MGRN1: variants seen among roughly 807,000 people sequenced by gnomAD.
MGRN1 encodes the protein mahogunin ring finger 1.
Under a neutral mutation model 69.2 loss-of-function variants are expected in MGRN1, and 29 were observed. The observed-to-expected ratio is 0.42, with a 90% CI of 0.31 to 0.57. The LOEUF is 0.57. Among genes scored for constraint, MGRN1 ranks in the 20% least tolerant of loss-of-function variants. The pLI, the probability that MGRN1 is intolerant of heterozygous loss-of-function variation, is 0.15. For synonymous variants in MGRN1, 470 were observed against 344.2 expected (o/e 1.37, Z -4.04); for missense variants, 998 against 796.2 (o/e 1.25, Z -3.05).
chr16:4,686,114 C>T lies in MGRN1; in HGVS notation c.1618+2182C>T, dbSNP rs192395695. On this transcript the variant is annotated intron_variant, in intron 16 of 16. Coordinates refer to ENST00000262370, the MANE Select transcript of MGRN1 (RefSeq NM_015246.4). ...GCTCTGCCTCCCAGCTGTGGTTCTC[C>T]TTGTGGTTCTCTGTGGTTGCAGCAG... 4.3e-4 allele frequency: 431 copies of T among 998,988 alleles called. 3 individuals carry two copies. The African/African-American group carries it at 6.3e-3, about 15-fold the overall frequency. 61.9% of individuals were successfully genotyped at this position (998,988 alleles called of 1,614,324 possible). A position where few individuals can be genotyped will look rare whatever the true frequency, so the allele number is the denominator to read the frequency against.
At chr16:4,671,365 C>T in intron 8 of MGRN1, 26 bp from the exon 9 acceptor site, 3 of 1,612,598 alleles carry the variant, frequency 1.9e-6, no homozygotes, top group Non-Finnish European at 2.5e-6. Flanking sequence ...TGGCGAGGGC[C>T]CAGTGAGCCC....
At chr16:4,668,457 G>T (rs2078856089) in intron 8 of MGRN1, 145 bp downstream of exon 8, 4 of 817,384 alleles carry the variant, frequency 4.9e-6, no homozygotes, top group Non-Finnish European at 7.7e-6. Flanking sequence ...ACATTCACTT[G>T]CACATATATA....
At chr16:4,631,316 T>TA (rs1413658384) in intron 1 of MGRN1, among the ~76,000 whole-genome samples, 1 of 152,206 alleles carries the variant, frequency 6.6e-6, no homozygotes, top group East Asian at 1.9e-4. Context: ...CCATGTCTCT[T>TA]AAAAATCAAA....
In MGRN1 at chr16:4,673,614, C is replaced by T. The variant is rs1014793242; in HGVS notation, c.912C>T (p.Asp304=). The T allele has an allele frequency of 6.2e-7, 1 of 1,613,664 alleles. No homozygotes were observed. The highest frequency in any genetic ancestry group is 8.5e-7 in the Non-Finnish European group (1 of 1,179,898). ...TGTGCCTCTGTACCTCCTGCGCCGA[C>T]ACGCTGCGCTACCAGGCCAACAACT... ...RHLCLCTSCA[D]TLRYQANNCP... Residue 304 remains aspartate (D), a synonymous_variant, in exon 10 of 17, where the codon GAC becomes GAT. Coordinates refer to ENST00000262370, the MANE Select transcript of MGRN1 (RefSeq NM_015246.4).
chr16:4,657,252 C>T lies in MGRN1; in HGVS notation c.450C>T (p.Ser150=), dbSNP rs780079523. The T allele has an allele frequency of 6.2e-7, 1 of 1,613,834 alleles. No homozygotes were observed. Among genetic ancestry groups the T allele is most frequent in the South Asian group, 1.1e-5 (1 of 91,062 alleles). The change falls in exon 5 of 17, where the codon AGC becomes AGT. Residue 150 remains serine (S), a synonymous_variant. Coordinates refer to ENST00000262370, the MANE Select transcript of MGRN1 (RefSeq NM_015246.4). ...EEFLNGRAVY[S]PKSPSLQSET... ...TGCTCCTGGCTCCCTGCAGATACAG[C>T]CCCAAGAGCCCCTCGCTACAGTCCG...
At chr16:4,666,164 G>C (rs1044507916) in intron 7 of MGRN1, among the ~76,000 whole-genome samples, 95 of 151,910 alleles carry the variant, frequency 6.3e-4, no homozygotes, top group African/African-American at 2.2e-3. Flanking sequence ...GTCTCGCTCT[G>C]TTGCCCAGGC....
At chr16:4,641,728 A>G (rs2078164098) in intron 1 of MGRN1, among the ~76,000 whole-genome samples, 1 of 151,984 alleles carries the variant, frequency 6.6e-6, no homozygotes, top group South Asian at 2.1e-4. Context: ...CATGTTGGTC[A>G]GGCTGGTCTC....
At position 4,657,368 on chromosome 16, in the gene MGRN1, TGCTG is replaced by T; in HGVS notation, c.561+11_561+14del. 6.2e-7 allele frequency: 1 copy of T among 1,613,364 alleles called. No individual in the cohort carries two copies. Among genetic ancestry groups the T allele is most frequent in the South Asian group, 1.1e-5 (1 of 91,066 alleles). ...TCGGAATGGAAGGATGACGAGGTAATGCTGGCTGGGCGGCTCCTTGCCCTTCGCT... is the reference window on the plus strand; with the variant it reads ...TCGGAATGGAAGGATGACGAGGTAATGCTGGGCGGCTCCTTGCCCTTCGCT... On this transcript the variant is annotated splice_donor_region_variant and intron_variant, in intron 5 of 16. Transcript: ENST00000262370.
intron 7 of MGRN1, 141 bp from the exon 8 acceptor site, chr16:4,668,124 C>CA: frequency 2.2e-6 from 1 of 461,380 alleles, no homozygotes; most frequent in Non-Finnish European, 3.8e-6. Flanking sequence ...TGGCCCCACC[C>CA]TTTTTTTTTT....
intron 10 of MGRN1, chr16:4,677,251 A>T: frequency 2.3e-6 from 1 of 442,800 alleles, no homozygotes; most frequent in East Asian, 3.5e-5. Context: ...TGTACAGGGG[A>T]GCTGCTTCTT....
At chr16:4,629,147 C>CGTGTGTGTGTGTGT (rs1442184525) in intron 1 of MGRN1, among the ~76,000 whole-genome samples, 10 of 48,650 alleles carry the variant, frequency 2.1e-4, no homozygotes, top group African/African-American at 5.4e-4. Context: ...GCTTTCTGTT[C>CGTGTGTGTGTGTGT]GTATGTGTGT....
rs942945889 is a variant in MGRN1, at chr16:4,657,798, T to C, written c.561+435T>C. Among the ~76,000 whole-genome samples, 23 of 138,736 alleles carry C rather than the reference T, an allele frequency of 1.7e-4. No individual in the cohort carries two copies. In the Admixed American group the frequency reaches 1.8e-3, roughly 11 times the overall value. 91.0% of individuals were successfully genotyped at this position (138,736 alleles called of 152,430 possible). ...TCTCGCTCTGTCGCCCAGGCTGCAG[T>C]GCAGTGGCGCGATCTCGGATCACTA... On this transcript the variant is annotated intron_variant, in intron 5 of 16. Coordinates refer to ENST00000262370, the MANE Select transcript of MGRN1 (RefSeq NM_015246.4).
intron 1 of MGRN1, among the ~76,000 whole-genome samples, chr16:4,628,317 T>C (rs533964238): frequency 7.7e-6 from 1 of 130,614 alleles, no homozygotes; most frequent in Non-Finnish European, 1.6e-5. Flanking sequence ...ACCCGGGAGG[T>C]GAAGCTTGCA....
chr16:4,665,528 C>T (rs946128821), intron 7 of MGRN1, among the ~76,000 whole-genome samples: 2 of 151,740 alleles, frequency 1.3e-5, no homozygotes, highest in African/African-American at 2.4e-5. Flanking sequence ...ACTACCACGC[C>T]TGGCTAATTT....
intron 3 of MGRN1, among the ~76,000 whole-genome samples, chr16:4,652,425 C>T (rs1250442506): frequency 6.6e-6 from 1 of 152,114 alleles, no homozygotes; most frequent in Non-Finnish European, 1.5e-5. Flanking sequence ...CTTAAACCGA[C>T]TAGACTTGAG....
intron 10 of MGRN1, 143 bp from the exon 11 acceptor site, chr16:4,677,316 GAAAA>G (rs199899105): frequency 1.9e-5 from 8 of 429,844 alleles, no homozygotes; most frequent in African/African-American, 1.3e-4. Flanking sequence ...AAAACTAAAA[GAAAA>G]AAAAAAGACC....
chr16:4,665,788 G>T (rs1409521479), intron 7 of MGRN1, among the ~76,000 whole-genome samples: 1 of 150,528 alleles, frequency 6.6e-6, no homozygotes, highest in Non-Finnish European at 1.5e-5. Flanking sequence ...TCCTGCCTCA[G>T]CCTCCAAGTA....
At chr16:4,675,279 T>TA (rs1349698047) in intron 10 of MGRN1, among the ~76,000 whole-genome samples, 4 of 152,052 alleles carry the variant, frequency 2.6e-5, no homozygotes, top group African/African-American at 9.7e-5. Flanking sequence ...GCCTTGTTTT[T>TA]AAAATTTTTT....
Position 4,681,302 on chromosome 16 carries a change from C to G in MGRN1, c.1132-248C>G, listed in dbSNP as rs563610940. Reference sequence around the variant, plus strand: ...GGTTGAGGCCAGGGCTGGGGCGGTTCTTGGCAGATGCCCTCGTGCCCGTCA... The same window carrying G: ...GGTTGAGGCCAGGGCTGGGGCGGTTGTTGGCAGATGCCCTCGTGCCCGTCA... On this transcript the variant is annotated intron_variant, in intron 12 of 16. Transcript: ENST00000262370. 7.5e-6 allele frequency: 4 copies of G among 535,636 alleles called. No individual in the cohort carries two copies. The East Asian group carries it at 1.3e-4, about 17-fold the overall frequency. The allele number at this position is 535,636 out of a possible 1,614,324, so 33.2% of individuals were successfully genotyped here.
Sources: allele counts gnomAD v4.1 joint callset (sites outside exome capture counted in the v4.1 genomes callset), GRCh38; gene constraint gnomAD v4.1.1; transcripts MANE v1.5; gene names NCBI Gene and HGNC (gene_info 2026-07-23, HGNC 2026-07-21).